Variants in TTC23 observed in about 807,000 individuals in gnomAD.
The protein encoded by TTC23 is tetratricopeptide repeat protein 23.
TTC23 carries 58 observed loss-of-function variants against 55.1 expected under a neutral mutation model. The ratio of observed to expected loss-of-function variants is 1.05; its 90% CI spans 0.85 to 1.31. TTC23 has a LOEUF of 1.31. Ranked by LOEUF, TTC23 falls within the 50% of genes most tolerant of loss-of-function variation. The probability of loss-of-function intolerance (pLI) is 0.00; values close to 1 mark genes in which losing one functional copy is unlikely to be tolerated. For synonymous variants in TTC23, 203 were observed against 199.9 expected (o/e 1.02, Z -0.13); for missense variants, 516 against 534.4 (o/e 0.97, Z 0.34).
intron 13 of TTC23, among the ~76,000 whole-genome samples, chr15:99,138,704 G>C (rs977040399): frequency 1.6e-4 from 24 of 152,240 alleles, no homozygotes; most frequent in African/African-American, 5.8e-4. Flanking sequence ...TGGGTGAGGA[G>C]GATGGTCAGG....
At chr15:99,242,381 C>T (rs2079887856) in intron 2 of TTC23, among the ~76,000 whole-genome samples, 1 of 151,978 alleles carries the variant, frequency 6.6e-6, no homozygotes, top group Non-Finnish European at 1.5e-5. Context: ...AGGTTAAGCC[C>T]AGGCTCAGAT....
chr15:99,182,014 T>A (rs2074169306), intron 9 of TTC23, among the ~76,000 whole-genome samples: 1 of 152,178 alleles, frequency 6.6e-6, no homozygotes, highest in African/African-American at 2.4e-5. Context: ...ATTTTCTTCG[T>A]TTGGTTGCAA....
intron 12 of TTC23, 111 bp from the exon 13 acceptor site, chr15:99,139,510 G>A (rs2067971842): frequency 1.9e-6 from 3 of 1,558,658 alleles, no homozygotes; most frequent in Non-Finnish European, 2.6e-6. Context: ...GCCCTGCTGT[G>A]ATGGAATTAG....
chr15:99,224,214 G>C (rs2078194127), intron 5 of TTC23, among the ~76,000 whole-genome samples: 1 of 152,156 alleles, frequency 6.6e-6, no homozygotes, highest in Admixed American at 6.5e-5. Context: ...CTTTTCTACA[G>C]TAACGTTTCT....
At chr15:99,235,271 G>A (rs866443335) in intron 3 of TTC23, among the ~76,000 whole-genome samples, 191 bp from the exon 4 acceptor site, 4 of 150,658 alleles carry the variant, frequency 2.7e-5, no homozygotes, top group Non-Finnish European at 4.4e-5. Flanking sequence ...AAACAAAATT[G>A]TAGTAAAAAA....
At chr15:99,216,242 G>A (rs2077466820) in intron 8 of TTC23, among the ~76,000 whole-genome samples, 1 of 152,184 alleles carries the variant, frequency 6.6e-6, no homozygotes, top group African/African-American at 2.4e-5. Context: ...ATACTAAGAA[G>A]TTATCACAGT....
intron 3 of TTC23, among the ~76,000 whole-genome samples, chr15:99,240,562 G>A (rs1413981757): frequency 6.6e-6 from 1 of 152,216 alleles, no homozygotes; most frequent in Non-Finnish European, 1.5e-5. Flanking sequence ...AGGGGGAGCT[G>A]CCCTGGGGGC....
chr15:99,250,864 C>G (rs560102067), upstream of TTC23, among the ~76,000 whole-genome samples: 2 of 152,298 alleles, frequency 1.3e-5, no homozygotes, highest in Non-Finnish European at 2.9e-5. Context: ...CCCCTTAAAT[C>G]CGGTGCTTAG....
At chr15:99,185,659 G>A (rs558735073) in intron 9 of TTC23, among the ~76,000 whole-genome samples, 3 of 152,294 alleles carry the variant, frequency 2.0e-5, no homozygotes, top group African/African-American at 7.2e-5. Context: ...ACTCACATAA[G>A]TAGAACCCTG....
intron 8 of TTC23, among the ~76,000 whole-genome samples, chr15:99,201,239 A>G (rs951228573): frequency 2.0e-5 from 3 of 152,210 alleles, no homozygotes; most frequent in Admixed American, 2.0e-4. Flanking sequence ...TTCTTAGAAT[A>G]AGAATCTCTC....
chr15:99,185,988 CA>C (rs2074626124), intron 9 of TTC23, among the ~76,000 whole-genome samples: 1 of 152,096 alleles, frequency 6.6e-6, no homozygotes, highest in African/African-American at 2.4e-5. Context: ...TGAAAAACAA[CA>C]GGGAAAAATA....
rs145188311 is a variant in TTC23 at position 99,228,588 on chromosome 15, C to T, written c.125G>A (p.Arg42Gln). ...LLQTALFQPP[R>Q]EKLHLCEEKA... ...CTCTTCACAGAGGTGGAGTTTCTCTCGAGGAGGCTGGAATAGTGCTGTCTG... is the reference window on the plus strand; with the variant it reads ...CTCTTCACAGAGGTGGAGTTTCTCTTGAGGAGGCTGGAATAGTGCTGTCTG... Residue 42 changes from arginine (R) to glutamine (Q), a missense_variant, in exon 5 of 14, where the codon CGA (arginine) becomes CAA (glutamine). By Grantham distance (43) the Arg-to-Gln change is conservative (BLOSUM62 1). Coordinates refer to ENST00000394132, the MANE Select transcript of TTC23 (RefSeq NM_001288615.3). 25 of 1,613,746 alleles carry T rather than the reference C, an allele frequency of 1.5e-5. No individual in the cohort carries two copies. The Admixed American group carries it at 2.0e-4, about 13-fold the overall frequency.
intron 8 of TTC23, among the ~76,000 whole-genome samples, chr15:99,210,116 T>C (rs2076927724): frequency 6.6e-6 from 1 of 152,066 alleles, no homozygotes; most frequent in African/African-American, 2.4e-5. Context: ...TGATTATATA[T>C]TTATGTTACA....
At chr15:99,192,348 G>A (rs1254314738) in intron 9 of TTC23, among the ~76,000 whole-genome samples, 1 of 152,176 alleles carries the variant, frequency 6.6e-6, no homozygotes, top group East Asian at 1.9e-4. Flanking sequence ...CAGGCCTGGA[G>A]GCTTAGGAGG....
intron 1 of TTC23, among the ~76,000 whole-genome samples, 152 bp downstream of exon 1, chr15:99,249,019 A>G (rs2080502743): frequency 6.6e-6 from 1 of 152,164 alleles, no homozygotes; most frequent in South Asian, 2.1e-4. Flanking sequence ...CTATTATGCC[A>G]GGTATGACAA....
At chr15:99,139,199 G>T in intron 13 of TTC23, 118 bp downstream of exon 13, 1 of 1,296,462 alleles carries the variant, frequency 7.7e-7, no homozygotes, top group South Asian at 1.3e-5. Flanking sequence ...TGCAAGTTAT[G>T]GGAAGTCAGC....
chr15:99,244,523 A>G (rs970567620), intron 2 of TTC23, among the ~76,000 whole-genome samples: 1 of 152,216 alleles, frequency 6.6e-6, no homozygotes, highest in Admixed American at 6.5e-5. Flanking sequence ...TGAAAATAAA[A>G]TTAAGAAAAC....
intron 12 of TTC23, among the ~76,000 whole-genome samples, chr15:99,152,026 C>G (rs2069833914): frequency 6.6e-6 from 1 of 152,030 alleles, no homozygotes; most frequent in African/African-American, 2.4e-5. Flanking sequence ...AATTATAATC[C>G]CCAATATTGG....
At chr15:99,206,110 G>C (rs2076606456) in intron 8 of TTC23, among the ~76,000 whole-genome samples, 1 of 152,100 alleles carries the variant, frequency 6.6e-6, no homozygotes, top group Non-Finnish European at 1.5e-5. Context: ...TCATTTTGTT[G>C]ATGTGAGGTA....
Sources: gnomAD v4.1 joint callset for allele counts (sites outside exome capture counted in the v4.1 genomes callset) on GRCh38, gnomAD v4.1.1 for gene constraint, MANE v1.5 for transcripts, NCBI Gene and HGNC (gene_info 2026-07-23, HGNC 2026-07-21) for gene names.